Variants in TNR observed in about 807,000 individuals in gnomAD.
TNR encodes the protein tenascin-R.
A neutral mutation model predicts 150.4 loss-of-function variants in TNR; 45 were observed. The ratio of observed to expected loss-of-function variants is 0.30; its 90% CI spans 0.24 to 0.38. The LOEUF is 0.38. Ranked by LOEUF, TNR falls within the 10% of genes least tolerant of loss-of-function variation. TNR has a pLI of 1.00. For missense variants in TNR, 1,544 were observed against 1,759.1 expected (o/e 0.88, Z 2.19); for synonymous variants, 687 against 678.4 (o/e 1.01, Z -0.20).
At chr1:175,603,886 G>A (rs77329529) in intron 1 of TNR, among the ~76,000 whole-genome samples, 1,624 of 152,272 alleles carry the variant, frequency 0.011, 39 homozygotes, top group African/African-American at 0.036. Context: ...GGCTCCTTCA[G>A]GAGACAGCCT....
intron 1 of TNR, among the ~76,000 whole-genome samples, chr1:175,573,715 G>A (rs933707621): frequency 2.0e-5 from 3 of 152,206 alleles, no homozygotes; most frequent in Admixed American, 6.5e-5. Flanking sequence ...TTTCCAGCAC[G>A]GCTGGGGGTG....
At chr1:175,653,640 G>GT (rs564900475) in intron 1 of TNR, among the ~76,000 whole-genome samples, 109 of 152,256 alleles carry the variant, frequency 7.2e-4, no homozygotes, top group African/African-American at 2.6e-3. Flanking sequence ...TCAACTTTCT[G>GT]TATCTTGAGT....
intron 2 of TNR, among the ~76,000 whole-genome samples, chr1:175,427,888 C>CTCTT (rs765901559): frequency 6.3e-5 from 4 of 63,440 alleles, no homozygotes; most frequent in African/African-American, 1.5e-4. Context: ...CTCCCTTCTT[C>CTCTT]GCTTCCTTCC....
At chr1:175,456,858 A>G (rs1656593129) in intron 2 of TNR, among the ~76,000 whole-genome samples, 2 of 152,208 alleles carry the variant, frequency 1.3e-5, no homozygotes, top group Non-Finnish European at 2.9e-5. Flanking sequence ...GATAGCCAAG[A>G]AAACCGGAGG....
At chr1:175,564,893 C>G (rs1661578952) in intron 1 of TNR, among the ~76,000 whole-genome samples, 1 of 152,198 alleles carries the variant, frequency 6.6e-6, no homozygotes, top group Non-Finnish European at 1.5e-5. Flanking sequence ...CCCTCTTCAG[C>G]TTTCTACCTG....
At chr1:175,465,768 C>T (rs1303557337) in intron 2 of TNR, among the ~76,000 whole-genome samples, 5 of 64 alleles carry the variant, frequency 0.078, no homozygotes, top group Admixed American at 0.25. Context: ...TCACTGGCCC[C>T]GCAAAGGCAA....
chr1:175,379,951 T>A (rs1557896837), intron 8 of TNR, among the ~76,000 whole-genome samples: 1 of 152,138 alleles, frequency 6.6e-6, no homozygotes, highest in Non-Finnish European at 1.5e-5. Flanking sequence ...TGAAGATCAA[T>A]ACACTTTATG....
rs78392882 is a variant in TNR, at chr1:175,658,169, C to A, written c.-165+85057G>T. 3.3e-3 allele frequency among the ~76,000 whole-genome samples: 500 copies of A among 152,198 alleles called. 7 individuals carry two copies. The highest frequency in any genetic ancestry group is 0.011 in the African/African-American group (472 of 41,532). On this transcript the variant is annotated intron_variant, in intron 1 of 22. Transcript: ENST00000367674. ...GTCAAGGCTGCTGTACTCTCACCCCCAGACCCTCAGGTCAGCAGCCCTCAG... is the reference window on the plus strand; with the variant it reads ...GTCAAGGCTGCTGTACTCTCACCCCAAGACCCTCAGGTCAGCAGCCCTCAG...
At chr1:175,406,132 A>G in intron 3 of TNR, 84 bp downstream of exon 3, 1 of 1,518,270 alleles carries the variant, frequency 6.6e-7, no homozygotes. Context: ...CTGGAAGTGC[A>G]TTGGTCCTTC....
chr1:175,604,746 G>C (rs928915151), intron 1 of TNR, among the ~76,000 whole-genome samples: 1 of 152,176 alleles, frequency 6.6e-6, no homozygotes, highest in Admixed American at 6.5e-5. Context: ...TTCAAAGGCA[G>C]CTCCTGTGCA....
At chr1:175,735,605 A>G (rs1478403385) in intron 1 of TNR, among the ~76,000 whole-genome samples, 2 of 152,246 alleles carry the variant, frequency 1.3e-5, no homozygotes, top group African/African-American at 2.4e-5. Context: ...AGTAATCTAT[A>G]TAAACTCAAG....
chr1:175,441,033 G>C (rs1461460450), intron 2 of TNR, among the ~76,000 whole-genome samples: 1 of 152,082 alleles, frequency 6.6e-6, no homozygotes, highest in Admixed American at 6.6e-5. Context: ...TTTCTCTTTT[G>C]ATTGCTTCCT....
chr1:175,571,208 T>G (rs561582476), intron 1 of TNR, among the ~76,000 whole-genome samples: 1 of 152,324 alleles, frequency 6.6e-6, no homozygotes, highest in East Asian at 1.9e-4. Context: ...CTGCTCCACC[T>G]TTAGAATGTT....
At chr1:175,395,628 A>G (rs1210639601) in intron 5 of TNR, among the ~76,000 whole-genome samples, 1 of 152,198 alleles carries the variant, frequency 6.6e-6, no homozygotes, top group East Asian at 1.9e-4. Context: ...CAGGTTTTGC[A>G]GTAGACTTGG....
At chr1:175,697,044 GAA>G (rs67198163) in intron 1 of TNR, among the ~76,000 whole-genome samples, 6 of 148,086 alleles carry the variant, frequency 4.1e-5, no homozygotes, top group Non-Finnish European at 7.5e-5. Context: ...TTCTTTAAAA[GAA>G]AAAAAAAAAC....
chr1:175,553,109 C>T (rs1553238519), intron 1 of TNR, among the ~76,000 whole-genome samples: 2 of 152,178 alleles, frequency 1.3e-5, no homozygotes, highest in Non-Finnish European at 2.9e-5. Context: ...GATTTCACAT[C>T]ATATTTTAAT....
chr1:175,336,439 G>T (rs1650255734), intron 19 of TNR, among the ~76,000 whole-genome samples: 1 of 152,206 alleles, frequency 6.6e-6, no homozygotes, highest in Non-Finnish European at 1.5e-5. Context: ...TACCCATTTT[G>T]CACCAGGAAA....
chr1:175,656,052 C>G (rs551397601), intron 1 of TNR, among the ~76,000 whole-genome samples: 1 of 152,166 alleles, frequency 6.6e-6, no homozygotes, highest in African/African-American at 2.4e-5. Flanking sequence ...CAGTGGCACA[C>G]TGAAGCACCA....
intron 1 of TNR, among the ~76,000 whole-genome samples, chr1:175,565,430 G>C (rs528336823): frequency 6.6e-6 from 1 of 152,318 alleles, no homozygotes; most frequent in South Asian, 2.1e-4. Flanking sequence ...TGAACCCAGA[G>C]ATCAGGAGCC....
Sources: allele counts gnomAD v4.1 joint callset (sites outside exome capture counted in the v4.1 genomes callset), GRCh38; gene constraint gnomAD v4.1.1; transcripts MANE v1.5; gene names NCBI Gene and HGNC (gene_info 2026-07-23, HGNC 2026-07-21).